Variants in CA5A observed in about 807,000 individuals in gnomAD.
The protein encoded by CA5A is carbonic anhydrase 5A.
In CA5A, 28 loss-of-function variants were observed where a neutral mutation model predicts 37.1. That is an observed-to-expected ratio of 0.75 (90% CI 0.56 to 1.03). CA5A has a LOEUF of 1.03. CA5A is among the 50% of genes least tolerant of loss of function. The pLI is 0.00. For missense variants in CA5A, 444 were observed against 399.9 expected (o/e 1.11, Z -0.94); for synonymous variants, 171 against 158.4 (o/e 1.08, Z -0.60).
At chr16:87,889,466 G>A (rs1441467779) in intron 6 of CA5A, among the ~76,000 whole-genome samples, 2 of 152,128 alleles carry the variant, frequency 1.3e-5, no homozygotes, top group Non-Finnish European at 2.9e-5. Flanking sequence ...ACTTTTCACT[G>A]AAGGAACTAA....
chr16:87,920,965 G>C (rs1453084775), intron 2 of CA5A, among the ~76,000 whole-genome samples: 1 of 151,560 alleles, frequency 6.6e-6, no homozygotes, highest in African/African-American at 2.4e-5. Context: ...GGCTACTTTT[G>C]TATTTTTTGT....
intron 6 of CA5A, among the ~76,000 whole-genome samples, chr16:87,890,887 C>T (rs1362596360): frequency 3.3e-5 from 5 of 152,018 alleles, no homozygotes; most frequent in Admixed American, 2.0e-4. Context: ...CTCTGCCTCC[C>T]GGCTTCAAGT....
downstream of CA5A, chr16:87,886,927 G>C (rs2055653098): frequency 6.6e-6 from 1 of 152,020 alleles, no homozygotes; most frequent in South Asian, 2.1e-4. Flanking sequence ...TTTTGAGATG[G>C]AGTCTCGCTC....
chr16:87,904,834 G>T lies in CA5A; in HGVS notation c.411C>A (p.Asn137Lys), dbSNP rs766745985. ...CCACTGTGTGCTCTGAGCCCCCCTC[G>T]TTCACTGCTCCCCAGTGGAAGTGAA... is the stretch of plus-strand genomic sequence containing the variant. ...KQFHFHWGAV[N>K]EGGSEHTVDG... The change falls in exon 3 of 7, where the codon AAC (asparagine) becomes AAA (lysine). Residue 137 changes from asparagine to lysine, a missense_variant. Coordinates refer to ENST00000649794, the MANE Select transcript of CA5A (RefSeq NM_001739.2). The T allele has an allele frequency of 3.1e-6, 5 of 1,613,468 alleles. No homozygotes were observed. Among genetic ancestry groups the T allele is most frequent in the Non-Finnish European group, 4.2e-6 (5 of 1,179,454 alleles).
At chr16:87,892,541 AATAATAATAATAATAAATT>A (rs1199582326) in intron 5 of CA5A, among the ~76,000 whole-genome samples, 19 of 134,368 alleles carry the variant, frequency 1.4e-4, no homozygotes, top group Non-Finnish European at 3.0e-4. Flanking sequence ...TAATAATAAT[AATAATAATAATAATAAATT>A]AATTAATAAT....
intron 2 of CA5A, among the ~76,000 whole-genome samples, chr16:87,906,249 T>C (rs1207859636): frequency 7.7e-5 from 7 of 90,770 alleles, no homozygotes; most frequent in Non-Finnish European, 1.1e-4. Flanking sequence ...CACCTCCCGC[T>C]GTGGCAAAAG....
chr16:87,930,572 G>C (rs547566536), intron 1 of CA5A, among the ~76,000 whole-genome samples: 1 of 152,056 alleles, frequency 6.6e-6, no homozygotes, highest in African/African-American at 2.4e-5. Flanking sequence ...GGATGCTGAC[G>C]AGTAAAGCTG....
intron 2 of CA5A, chr16:87,924,189 G>GCA: frequency 1.0e-6 from 1 of 985,436 alleles, no homozygotes; most frequent in Non-Finnish European, 1.2e-6. Flanking sequence ...CCAAGAAGTT[G>GCA]CACTTTGCTT....
rs181086952 is a variant in CA5A at position 87,933,488 on chromosome 16, G to A, written c.142+2821C>T. Among the ~76,000 whole-genome samples, 396 of 152,220 alleles carry A rather than the reference G, an allele frequency of 2.6e-3. 2 individuals carry two copies. The highest frequency in any genetic ancestry group is 4.3e-3 in the Non-Finnish European group (290 of 68,018). On this transcript the variant is annotated intron_variant, in intron 1 of 6. Transcript: ENST00000649794. ...AATTCCTGGGGTCAGTGATCCTCCT[G>A]CCTCAGCCTCCCAAGTAGCTGGGAT...
At chr16:87,918,832 A>C (rs2056191516) in intron 2 of CA5A, among the ~76,000 whole-genome samples, 1 of 152,234 alleles carries the variant, frequency 6.6e-6, no homozygotes, top group African/African-American at 2.4e-5. Flanking sequence ...TTCCCAATCC[A>C]GGTGAACAAA....
At chr16:87,902,671 C>G (rs954602394) in intron 3 of CA5A, 151 bp from the exon 4 acceptor site, 5 of 584,692 alleles carry the variant, frequency 8.6e-6, no homozygotes, top group Admixed American at 2.6e-5. Context: ...CTTTGGGAGG[C>G]GGAGGCGGGT....
intron 5 of CA5A, among the ~76,000 whole-genome samples, chr16:87,896,580 G>A (rs535888071): frequency 1.3e-5 from 2 of 152,322 alleles, no homozygotes; most frequent in South Asian, 2.1e-4. Context: ...AGCTACCTGT[G>A]GAAAGCACCA....
At chr16:87,887,370 A>G (rs1003702797), downstream of CA5A, 1 of 152,044 alleles carries the variant, frequency 6.6e-6, no homozygotes, top group Admixed American at 6.6e-5. Context: ...TGGCCTCCCA[A>G]AGTGCTGGGA....
Position 87,911,089 on chromosome 16 carries a change from T to G in CA5A, c.341-6185A>C, listed in dbSNP as rs550030909. Among the ~76,000 whole-genome samples, 21 of 134,172 alleles carry G rather than the reference T, an allele frequency of 1.6e-4. No homozygotes were observed. Among genetic ancestry groups the G allele is most frequent in the Non-Finnish European group, 3.1e-4 (20 of 65,020 alleles). The allele number at this position is 134,172 out of a possible 152,430, so 88.0% of individuals were successfully genotyped here. A position where few individuals can be genotyped will look rare whatever the true frequency, so the allele number is the denominator to read the frequency against. On this transcript the variant is annotated intron_variant, in intron 2 of 6. Transcript: ENST00000649794. This position sits in a 1 kb window ranked among gnomAD's most constrained non-coding sequence, Gnocchi z 4.6. ...TAATGACAATACAATGTCAGGGTAT[T>G]CTCCTTAATCAAAAAAAAAAAAAAA...
At position 87,891,969 on chromosome 16, in the gene CA5A, A is replaced by T. The variant is rs2055723225; in HGVS notation, c.619-15T>A. The T allele has an allele frequency of 4.6e-6, 7 of 1,523,262 alleles. No homozygotes were observed. Among genetic ancestry groups the T allele is most frequent in the Non-Finnish European group, 6.2e-6 (7 of 1,136,884 alleles). The allele number at this position is 1,523,262 out of a possible 1,614,324, so 94.4% of individuals were successfully genotyped here. On this transcript the variant is annotated splice_polypyrimidine_tract_variant and intron_variant, in intron 5 of 6. Coordinates refer to ENST00000649794, the MANE Select transcript of CA5A (RefSeq NM_001739.2). Reference sequence around the variant, plus strand: ...GCCCGCGCGTCCTGAGAGACCGAGAAGCACAGGACGTGTCAGTCCTCAGGG... The same window carrying T: ...GCCCGCGCGTCCTGAGAGACCGAGATGCACAGGACGTGTCAGTCCTCAGGG...
At chr16:87,897,872 G>T (rs2055826436) in intron 5 of CA5A, among the ~76,000 whole-genome samples, 1 of 152,168 alleles carries the variant, frequency 6.6e-6, no homozygotes. Flanking sequence ...TATGTGGAGG[G>T]CTGTCGCTTC....
intron 2 of CA5A, among the ~76,000 whole-genome samples, chr16:87,917,807 GCACACATGCACACGAA>G (rs1262263651): frequency 7.9e-6 from 1 of 127,160 alleles, no homozygotes; most frequent in Non-Finnish European, 1.6e-5. Flanking sequence ...GTGCACATGT[GCACACATGCACACGAA>G]CACACATGCA....
chr16:87,909,724 C>A (rs545719343), intron 2 of CA5A, among the ~76,000 whole-genome samples: 12 of 152,348 alleles, frequency 7.9e-5, no homozygotes, highest in South Asian at 2.1e-4. Flanking sequence ...AATCTCACTG[C>A]AAATTTTAAA....
downstream of CA5A, chr16:87,885,269 C>T (rs1168967796): frequency 6.5e-6 from 1 of 154,950 alleles, no homozygotes. Context: ...GGACAAAGGC[C>T]TTATAATTGG....
Sources: gnomAD v4.1 joint callset for allele counts (sites outside exome capture counted in the v4.1 genomes callset) on GRCh38, gnomAD v4.1.1 for gene constraint, Gnocchi (gnomAD v3.1) non-coding constraint, MANE v1.5 for transcripts, NCBI Gene and HGNC (gene_info 2026-07-23, HGNC 2026-07-21) for gene names.